Variants in ANKS1A observed in about 807,000 individuals in gnomAD.
ANKS1A encodes the protein ankyrin repeat and sterile alpha motif domain containing 1A.
A neutral mutation model predicts 120.3 loss-of-function variants in ANKS1A; 55 were observed. That is an observed-to-expected ratio of 0.46 (90% CI 0.37 to 0.57). The LOEUF (loss-of-function observed/expected upper bound fraction) is 0.57, where lower values mean the gene tolerates loss of function less well. ANKS1A is among the 20% of genes least tolerant of loss of function. ANKS1A has a pLI of 0.00. For missense variants in ANKS1A, 1,123 were observed against 1,480.3 expected (o/e 0.76, Z 3.96); for synonymous variants, 590 against 604.7 (o/e 0.98, Z 0.36).
At chr6:34,901,835 G>A (rs558050056) in intron 1 of ANKS1A, among the ~76,000 whole-genome samples, 3 of 152,250 alleles carry the variant, frequency 2.0e-5, no homozygotes, top group Admixed American at 6.5e-5. Flanking sequence ...CTGTTTGTGA[G>A]GCCTTTAAGG....
In ANKS1A at chr6:35,082,585, G is replaced by A; in HGVS notation, c.2710-106G>A. 1 of 1,428,558 alleles carries A rather than the reference G, an allele frequency of 7.0e-7. No homozygotes were observed. Among genetic ancestry groups the A allele is most frequent in the Non-Finnish European group, 9.3e-7 (1 of 1,074,020 alleles). 88.5% of individuals were successfully genotyped at this position (1,428,558 alleles called of 1,614,324 possible). ...CCATCTCCACTCGACCCTTGAACTTGCTAAGGTCACTGGCATCTTCACCCT... is the reference window on the plus strand; with the variant it reads ...CCATCTCCACTCGACCCTTGAACTTACTAAGGTCACTGGCATCTTCACCCT... On this transcript the variant is annotated intron_variant, in intron 17 of 23. Coordinates refer to ENST00000360359, the MANE Select transcript of ANKS1A (RefSeq NM_015245.3). The surrounding 1 kb of genome is among the most constrained non-coding windows in gnomAD (Gnocchi z 4.1).
At chr6:34,896,698 C>T (rs1010801832) in intron 1 of ANKS1A, among the ~76,000 whole-genome samples, 1 of 152,148 alleles carries the variant, frequency 6.6e-6, no homozygotes, top group Non-Finnish European at 1.5e-5. Context: ...GGCGCAGTGG[C>T]TCACGCCTGT....
At chr6:35,070,309 C>T (rs2762335) in intron 13 of ANKS1A, among the ~76,000 whole-genome samples, 54,828 of 151,660 alleles carry the variant, frequency 0.36, 12,312 homozygotes, top group Middle Eastern at 0.5. Flanking sequence ...AGCCTCCTTT[C>T]CCATCTCACC....
rs1450347570 is a variant in ANKS1A at position 34,982,078 on chromosome 6, T to C, written c.732+92T>C. The C allele has an allele frequency of 2.6e-5, 37 of 1,448,774 alleles. No individual in the cohort carries two copies. Among genetic ancestry groups the C allele is most frequent in the East Asian group, 4.6e-5 (2 of 43,684 alleles). 89.7% of individuals were successfully genotyped at this position (1,448,774 alleles called of 1,614,324 possible). On this transcript the variant is annotated intron_variant, in intron 4 of 23. Coordinates refer to ENST00000360359, the MANE Select transcript of ANKS1A (RefSeq NM_015245.3). The surrounding 1 kb of genome is among the most constrained non-coding windows in gnomAD (Gnocchi z 4.9). ...CCATGCTGCTGGGCTGTGCTCTTTATTTAGCACGTTTCACATCATGTTTCA... is the reference window on the plus strand; with the variant it reads ...CCATGCTGCTGGGCTGTGCTCTTTACTTAGCACGTTTCACATCATGTTTCA...
chr6:35,048,652 GC>G (rs1775830878), intron 11 of ANKS1A, among the ~76,000 whole-genome samples: 1 of 152,180 alleles, frequency 6.6e-6, no homozygotes, highest in African/African-American at 2.4e-5. Context: ...TGGAATCAAA[GC>G]CCACTCTAGG....
intron 11 of ANKS1A, among the ~76,000 whole-genome samples, chr6:35,020,796 C>G (rs536130003): frequency 1.6e-4 from 25 of 152,210 alleles, no homozygotes; most frequent in Admixed American, 6.5e-4. Context: ...GCTGATATCA[C>G]CTGTGCAGAT....
At chr6:35,093,889 A>G (rs1014393537), downstream of ANKS1A, among the ~76,000 whole-genome samples, 1 of 152,208 alleles carries the variant, frequency 6.6e-6, no homozygotes, top group Non-Finnish European at 1.5e-5. Context: ...AGCTATAATG[A>G]GGTGCCCAAC....
chr6:34,960,488 A>G (rs1291652208), intron 1 of ANKS1A, among the ~76,000 whole-genome samples: 1 of 152,050 alleles, frequency 6.6e-6, no homozygotes, highest in East Asian at 1.9e-4. Context: ...CATAAACAGG[A>G]CCTCATTTGG....
intron 1 of ANKS1A, among the ~76,000 whole-genome samples, chr6:34,945,863 T>C (rs1395275705): frequency 6.6e-6 from 1 of 152,140 alleles, no homozygotes; most frequent in Non-Finnish European, 1.5e-5. Flanking sequence ...GGCTATAATA[T>C]TTCTTCATTA....
chr6:34,905,113 C>T (rs988062630), intron 1 of ANKS1A, among the ~76,000 whole-genome samples: 20 of 152,184 alleles, frequency 1.3e-4, no homozygotes, highest in African/African-American at 3.1e-4. Context: ...GCCCGGTCAA[C>T]GTCTGATTTT....
chr6:34,908,402 G>T (rs1767741982), intron 1 of ANKS1A, among the ~76,000 whole-genome samples: 1 of 152,206 alleles, frequency 6.6e-6, no homozygotes, highest in African/African-American at 2.4e-5. Flanking sequence ...GCGGAGGTGA[G>T]GTTGGTAAGG....
chr6:34,952,883 T>G (rs1770154870), intron 1 of ANKS1A, among the ~76,000 whole-genome samples: 1 of 152,014 alleles, frequency 6.6e-6, no homozygotes, highest in Admixed American at 6.5e-5. Flanking sequence ...CTAACTTTTG[T>G]ATTTTTAGTA....
chr6:35,055,429 A>G (rs1375477254), intron 12 of ANKS1A, among the ~76,000 whole-genome samples: 2 of 151,952 alleles, frequency 1.3e-5, no homozygotes, highest in African/African-American at 4.8e-5. Flanking sequence ...TCCTGGGTTC[A>G]AGCGTTTCTC....
intron 1 of ANKS1A, among the ~76,000 whole-genome samples, chr6:34,965,257 TA>T (rs1177532143): frequency 6.6e-6 from 1 of 152,230 alleles, no homozygotes; most frequent in Non-Finnish European, 1.5e-5. Flanking sequence ...TTTGTCTTAT[TA>T]CATAGCAATG....
Position 34,982,671 on chromosome 6 carries a change from T to C in ANKS1A, c.733-81T>C. 1 of 1,362,204 alleles carries C rather than the reference T, an allele frequency of 7.3e-7. No individual in the cohort carries two copies. The highest frequency in any genetic ancestry group is 1.7e-5 in the Admixed American group (1 of 59,178). 84.4% of individuals were successfully genotyped at this position (1,362,204 alleles called of 1,614,324 possible). A position where few individuals can be genotyped will look rare whatever the true frequency, so the allele number is the denominator to read the frequency against. ...GTTTGTTTTATTTTGTGTCCCTTCTTGTCTGTGTCCCCTTTGTCACGTGAA... is the reference window on the plus strand; with the variant it reads ...GTTTGTTTTATTTTGTGTCCCTTCTCGTCTGTGTCCCCTTTGTCACGTGAA... On this transcript the variant is annotated intron_variant, in intron 4 of 23. Transcript: ENST00000360359. The surrounding 1 kb of genome is among the most constrained non-coding windows in gnomAD (Gnocchi z 4.9).
intron 1 of ANKS1A, among the ~76,000 whole-genome samples, chr6:34,906,507 T>C (rs1253631162): frequency 6.6e-6 from 1 of 152,124 alleles, no homozygotes; most frequent in Admixed American, 6.5e-5. Flanking sequence ...CCTTAAGAAA[T>C]TGGCTTGGTT....
At chr6:34,981,228 T>C (rs751170957) in intron 3 of ANKS1A, among the ~76,000 whole-genome samples, 2 of 152,242 alleles carry the variant, frequency 1.3e-5, no homozygotes, top group Non-Finnish European at 2.9e-5. Flanking sequence ...TGAAAAACTT[T>C]TATTAAAAAG....
At position 35,014,182 on chromosome 6, in the gene ANKS1A, C is replaced by CA. The variant is rs905159429; in HGVS notation, c.1424-3283dup. ...ATTCTTTTCCCACCCATTGATCTGC[C>CA]AAAAAAAACTCATCTTGGCCTTGGA... is the stretch of plus-strand genomic sequence containing the variant. On this transcript the variant is annotated intron_variant, in intron 10 of 23. Transcript: ENST00000360359. Among the ~76,000 whole-genome samples the CA allele has an allele frequency of 1.5e-4, 23 of 151,698 alleles. 1 individual carries two copies. Among genetic ancestry groups the CA allele is most frequent in the Middle Eastern group, 3.4e-3 (1 of 294 alleles).
At chr6:35,048,297 A>T (rs140846954) in intron 11 of ANKS1A, among the ~76,000 whole-genome samples, 4 of 152,314 alleles carry the variant, frequency 2.6e-5, no homozygotes, top group Admixed American at 6.5e-5. Flanking sequence ...ACAGCAATTA[A>T]CATGGTAACA....
Sources: allele counts gnomAD v4.1 joint callset (sites outside exome capture counted in the v4.1 genomes callset), GRCh38; gene constraint gnomAD v4.1.1; non-coding constraint Gnocchi (gnomAD v3.1); transcripts MANE v1.5; gene names NCBI Gene and HGNC (gene_info 2026-07-23, HGNC 2026-07-21).